CHD9: variants seen among roughly 807,000 people sequenced by gnomAD.
CHD9 encodes ATP-dependent chromatin remodeler CHD9.
A neutral mutation model predicts 316.1 loss-of-function variants in CHD9; 77 were observed. The observed-to-expected ratio is 0.24, with a 90% CI of 0.20 to 0.29. The LOEUF is 0.29. Among genes scored for constraint, CHD9 ranks in the 10% least tolerant of loss-of-function variants. The probability of loss-of-function intolerance (pLI) is 1.00; values close to 1 mark genes in which losing one functional copy is unlikely to be tolerated. For missense variants in CHD9, 2,763 were observed against 3,438.1 expected (o/e 0.80, Z 4.91); for synonymous variants, 1,129 against 1,158.3 (o/e 0.97, Z 0.51).
chr16:53,132,482 G>A (rs1407027122), intron 1 of CHD9, among the ~76,000 whole-genome samples: 1 of 152,178 alleles, frequency 6.6e-6, no homozygotes, highest in East Asian at 1.9e-4. Flanking sequence ...CTAGATAACT[G>A]TAGAAGTAGT....
intron 20 of CHD9, 114 bp from the exon 21 acceptor site, chr16:53,267,180 G>GT (rs1362662198): frequency 9.7e-6 from 6 of 618,924 alleles, no homozygotes; most frequent in Non-Finnish European, 1.5e-5. Flanking sequence ...ATTGTTAGTT[G>GT]TTTCTTTTTG....
chr16:53,192,847 C>T (rs1165717317), intron 2 of CHD9, among the ~76,000 whole-genome samples: 1 of 152,102 alleles, frequency 6.6e-6, no homozygotes, highest in African/African-American at 2.4e-5. Context: ...TATATAAATG[C>T]ACCACAAATT....
intron 30 of CHD9, chr16:53,298,729 T>C (rs1049901527): frequency 6.5e-6 from 1 of 153,228 alleles, no homozygotes; most frequent in South Asian, 2.1e-4. Context: ...CTGAGTTTGG[T>C]GAACCCTTTC....
intron 11 of CHD9, among the ~76,000 whole-genome samples, chr16:53,237,875 C>T (rs1332057874): frequency 1.3e-5 from 2 of 151,820 alleles, no homozygotes; most frequent in Non-Finnish European, 2.9e-5. Context: ...TGATGTGCAG[C>T]CACAATTGAA....
intron 1 of CHD9, among the ~76,000 whole-genome samples, chr16:53,142,595 C>G (rs1171802248): frequency 1.3e-5 from 2 of 152,244 alleles, no homozygotes; most frequent in Non-Finnish European, 2.9e-5. Flanking sequence ...GCATGAGCCA[C>G]TGTGCCCAGC....
rs905800437 is a variant in CHD9, at chr16:53,306,464, G to A, written c.6780+67G>A. On this transcript the variant is annotated intron_variant, in intron 32 of 38. Coordinates refer to ENST00000447540, the MANE Select transcript of CHD9 (RefSeq NM_001308319.2). ...ATTTTTCTATATTGCTTCAATGGTAGATATTCTTACTATGTGGAAACATAG... is the reference window on the plus strand; with the variant it reads ...ATTTTTCTATATTGCTTCAATGGTAAATATTCTTACTATGTGGAAACATAG... 6 of 1,294,188 alleles carry A rather than the reference G, an allele frequency of 4.6e-6. No individual in the cohort carries two copies. In the East Asian group the frequency reaches 1.4e-4, roughly 30 times the overall value. The allele number at this position is 1,294,188 out of a possible 1,614,324, so 80.2% of individuals were successfully genotyped here.
At position 53,091,754 on chromosome 16, in the gene CHD9, A is replaced by G. The variant is rs185659218; in HGVS notation, c.-165+36677A>G. On this transcript the variant is annotated intron_variant, in intron 1 of 38. Transcript: ENST00000447540. ...AGTGCCTGGTGGGCAGCATCTGTTC[A>G]AGGACTGTTTTCTGAACTCCAGGCA... 2.6e-5 allele frequency among the ~76,000 whole-genome samples: 4 copies of G among 152,264 alleles called. No individual in the cohort carries two copies. In the East Asian group the frequency reaches 7.7e-4, roughly 29 times the overall value.
At chr16:53,272,755 A>T (rs890977318) in intron 22 of CHD9, among the ~76,000 whole-genome samples, 1 of 152,202 alleles carries the variant, frequency 6.6e-6, no homozygotes, top group African/African-American at 2.4e-5. Flanking sequence ...TAATAGTTCA[A>T]ACATGCATGG....
chr16:53,179,751 G>A (rs2043349783), intron 2 of CHD9, among the ~76,000 whole-genome samples: 1 of 152,004 alleles, frequency 6.6e-6, no homozygotes, highest in South Asian at 2.1e-4. Context: ...ACAAAAATTA[G>A]CCTGGTGTGG....
intron 15 of CHD9, among the ~76,000 whole-genome samples, chr16:53,246,543 A>G (rs1286949615): frequency 6.6e-6 from 1 of 151,832 alleles, no homozygotes; most frequent in East Asian, 1.9e-4. Flanking sequence ...GTTTTAAGAT[A>G]CAGTGTCATT....
chr16:53,169,609 T>C (rs1400544267), intron 2 of CHD9, among the ~76,000 whole-genome samples: 1 of 152,182 alleles, frequency 6.6e-6, no homozygotes, highest in African/African-American at 2.4e-5. Context: ...TTGCTTTCTC[T>C]TACTATTTTT....
At chr16:53,203,283 G>C (rs913871767) in intron 2 of CHD9, among the ~76,000 whole-genome samples, 2 of 152,132 alleles carry the variant, frequency 1.3e-5, no homozygotes, top group African/African-American at 4.8e-5. Flanking sequence ...ATTACTTTAA[G>C]ATACTTTCCT....
chr16:53,109,836 C>T (rs959095339), intron 1 of CHD9, among the ~76,000 whole-genome samples: 85 of 151,808 alleles, frequency 5.6e-4, no homozygotes, highest in African/African-American at 2.0e-3. Context: ...AGGCGCCCGC[C>T]ACCACGCCCG....
At chr16:53,104,896 G>T (rs1247959823) in intron 1 of CHD9, among the ~76,000 whole-genome samples, 1 of 151,098 alleles carries the variant, frequency 6.6e-6, no homozygotes, top group Non-Finnish European at 1.5e-5. Context: ...ATCATTTAAT[G>T]TAATTTTACT....
rs796626768 is a variant in CHD9 at position 53,127,279 on chromosome 16, T to C, written c.-164-28647T>C. ...ATCCAGCTAGTTTCAGGATCTTGAT[T>C]GTATAAGTTTTCTCCAGAAGTGAAC... On this transcript the variant is annotated intron_variant, in intron 1 of 38. Coordinates refer to ENST00000447540, the MANE Select transcript of CHD9 (RefSeq NM_001308319.2). 6.6e-5 allele frequency among the ~76,000 whole-genome samples: 10 copies of C among 152,304 alleles called. No individual in the cohort carries two copies. The East Asian group carries it at 1.7e-3, about 26-fold the overall frequency.
chr16:53,314,704 G>T, intron 35 of CHD9, 119 bp from the exon 36 acceptor site: 2 of 1,058,486 alleles, frequency 1.9e-6, no homozygotes, highest in Non-Finnish European at 2.7e-6. Flanking sequence ...AAGTTTAAAA[G>T]ATTTAGCAGA....
In CHD9 at chr16:53,251,935, A is replaced by G. The variant is rs1197843981; in HGVS notation, c.3861+1869A>G. Among the ~76,000 whole-genome samples the G allele has an allele frequency of 2.0e-5, 3 of 152,216 alleles. No individual in the cohort carries two copies. The South Asian group carries it at 6.2e-4, about 32-fold the overall frequency. On this transcript the variant is annotated intron_variant, in intron 17 of 38. Transcript: ENST00000447540. ...ACAAGTGGAAATACATCCCATGTTC[A>G]TGGATGGGAAGACTTAATATTGTGA...
At chr16:53,282,251 A>G (rs1022502261) in intron 24 of CHD9, among the ~76,000 whole-genome samples, 3 of 152,266 alleles carry the variant, frequency 2.0e-5, no homozygotes, top group East Asian at 1.9e-4. Context: ...ATGCTTTTGG[A>G]CCCAAAATAT....
rs183657855 is a variant in CHD9 at position 53,142,210 on chromosome 16, C to T, written c.-164-13716C>T. Among the ~76,000 whole-genome samples the T allele has an allele frequency of 5.5e-4, 83 of 152,070 alleles. 1 individual carries two copies. Among genetic ancestry groups the T allele is most frequent in the Admixed American group, 2.0e-3 (30 of 15,272 alleles). ...AATCTGTGTTTTTAGTTTTATAGGT[C>T]GATGAGAGGGAAATAGATAATTTTT... On this transcript the variant is annotated intron_variant, in intron 1 of 38. Transcript: ENST00000447540.
Sources: gnomAD v4.1 joint callset for allele counts (sites outside exome capture counted in the v4.1 genomes callset) on GRCh38, gnomAD v4.1.1 for gene constraint, MANE v1.5 for transcripts, NCBI Gene and HGNC (gene_info 2026-07-23, HGNC 2026-07-21) for gene names.